Variants in SLC9A9 observed in about 807,000 individuals in gnomAD.
The protein encoded by SLC9A9 is solute carrier family 9 member A9.
SLC9A9 carries 62 observed loss-of-function variants against 77.8 expected under a neutral mutation model. The ratio of observed to expected loss-of-function variants is 0.80; its 90% confidence interval spans 0.65 to 0.98. The LOEUF (loss-of-function observed/expected upper bound fraction) is 0.98, where lower values mean the gene tolerates loss of function less well. Ranked by LOEUF, SLC9A9 falls within the 50% of genes least tolerant of loss-of-function variation. The probability of loss-of-function intolerance (pLI) is 0.00; values close to 1 mark genes in which losing one functional copy is unlikely to be tolerated. For synonymous variants in SLC9A9, 320 were observed against 283.5 expected (o/e 1.13, Z -1.29); for missense variants, 775 against 774.9 (o/e 1.00, Z 0.00).
In SLC9A9 at chr3:143,848,300, A is replaced by G. The variant is rs2108903847; in HGVS notation, c.23T>C (p.Met8Thr). The change falls in exon 1 of 16, where the codon ATG becomes ACG. Residue 8 changes from methionine (M) to threonine (T), a missense_variant. Physicochemically the swap from Met to Thr is moderately conservative, Grantham distance 81. Coordinates refer to ENST00000316549, the MANE Select transcript of SLC9A9 (RefSeq NM_173653.4). Reference sequence around the variant, plus strand: ...AAACTGATACTCATCCTTTTCTGACATAACCCTTGACTGTCTCTCCATTCC... The same window carrying G: ...AAACTGATACTCATCCTTTTCTGACGTAACCCTTGACTGTCTCTCCATTCC... Reference protein sequence around the residue: MERQSRVMSEKDEYQFQH... With the variant: MERQSRVTSEKDEYQFQH... The G allele has an allele frequency of 6.2e-7, 1 of 1,614,012 alleles. No homozygotes were observed. The highest frequency in any genetic ancestry group is 8.5e-7 in the Non-Finnish European group (1 of 1,179,894).
At chr3:143,814,590 T>G (rs1181772445) in intron 2 of SLC9A9, among the ~76,000 whole-genome samples, 1 of 152,154 alleles carries the variant, frequency 6.6e-6, no homozygotes, top group Admixed American at 6.5e-5. Flanking sequence ...AAATTGAAAC[T>G]TCGGATAAAC....
chr3:143,557,157 C>T lies in SLC9A9; in HGVS notation c.1001-4707G>A, dbSNP rs568966637. ...GATAGTGAGTGAGTTCTCACTAGAT[C>T]GGAGGGTTTTACATGTGTCTGGCGT... is the stretch of plus-strand genomic sequence containing the variant. On this transcript the variant is annotated intron_variant, in intron 8 of 15. Coordinates refer to ENST00000316549, the MANE Select transcript of SLC9A9 (RefSeq NM_173653.4). 3.9e-5 allele frequency among the ~76,000 whole-genome samples: 6 copies of T among 152,156 alleles called. No homozygotes were observed. The East Asian group carries it at 5.8e-4, about 15-fold the overall frequency.
At position 143,812,082 on chromosome 3, in the gene SLC9A9, G is replaced by T. The variant is rs1393875571; in HGVS notation, c.379-15179C>A. Reference sequence around the variant, plus strand: ...TTGTGGGCCTCTCTCAGATCCACTGGATTTAAACTATGTTTACTCAAACCT... The same window carrying T: ...TTGTGGGCCTCTCTCAGATCCACTGTATTTAAACTATGTTTACTCAAACCT... On this transcript the variant is annotated intron_variant, in intron 2 of 15. Transcript: ENST00000316549. Among the ~76,000 whole-genome samples the T allele has an allele frequency of 3.9e-5, 6 of 152,170 alleles. No homozygotes were observed. The East Asian group carries it at 9.6e-4, about 24-fold the overall frequency.
At chr3:143,450,691 T>C (rs1017146296) in intron 12 of SLC9A9, among the ~76,000 whole-genome samples, 5 of 152,186 alleles carry the variant, frequency 3.3e-5, no homozygotes, top group Non-Finnish European at 7.3e-5. Flanking sequence ...AAAAGTGCTA[T>C]ACAAAATTGA....
intron 9 of SLC9A9, among the ~76,000 whole-genome samples, chr3:143,545,462 C>T (rs544798844): frequency 2.0e-5 from 3 of 152,216 alleles, no homozygotes; most frequent in Non-Finnish European, 4.4e-5. Flanking sequence ...GGACAAGAAC[C>T]ACGTGGTATT....
intron 12 of SLC9A9, among the ~76,000 whole-genome samples, chr3:143,405,584 G>A (rs540432113): frequency 1.3e-5 from 2 of 152,290 alleles, no homozygotes; most frequent in South Asian, 4.1e-4. Context: ...CTGCATGTGG[G>A]ATAGAACCTC....
chr3:143,325,678 C>G (rs184486990), intron 14 of SLC9A9, among the ~76,000 whole-genome samples: 1 of 152,342 alleles, frequency 6.6e-6, no homozygotes, highest in Admixed American at 6.5e-5. Context: ...GACATGTCCA[C>G]TTGGGCTGTA....
intron 6 of SLC9A9, among the ~76,000 whole-genome samples, chr3:143,593,411 G>T (rs2037690941): frequency 6.6e-6 from 1 of 152,202 alleles, no homozygotes; most frequent in Non-Finnish European, 1.5e-5. Context: ...GGAACCAAGG[G>T]TATATACAAA....
chr3:143,302,717 C>A (rs1224263497), intron 14 of SLC9A9, among the ~76,000 whole-genome samples: 1 of 152,152 alleles, frequency 6.6e-6, no homozygotes, highest in African/African-American at 2.4e-5. Context: ...GGTCTTATTC[C>A]TTACTGGGAA....
At chr3:143,318,713 C>G (rs547399476) in intron 14 of SLC9A9, among the ~76,000 whole-genome samples, 1 of 152,250 alleles carries the variant, frequency 6.6e-6, no homozygotes, top group South Asian at 2.1e-4. Context: ...ACTCAACCTG[C>G]GATACCCAGT....
At chr3:143,595,263 T>C (rs1410066946) in intron 6 of SLC9A9, among the ~76,000 whole-genome samples, 4 of 152,070 alleles carry the variant, frequency 2.6e-5, no homozygotes, top group Non-Finnish European at 5.9e-5. Context: ...TCTTTTGGCT[T>C]CAGAGTTCAG....
intron 14 of SLC9A9, among the ~76,000 whole-genome samples, chr3:143,342,442 C>T (rs1183964135): frequency 1.3e-5 from 2 of 152,194 alleles, no homozygotes; most frequent in Admixed American, 1.3e-4. Context: ...TTATGACCAG[C>T]AGACCCTGAT....
At chr3:143,845,824 G>T (rs1281065551) in intron 1 of SLC9A9, among the ~76,000 whole-genome samples, 1 of 152,224 alleles carries the variant, frequency 6.6e-6, no homozygotes, top group Admixed American at 6.5e-5. Flanking sequence ...ACATATATAT[G>T]CATATCTCCA....
At chr3:143,456,353 A>T (rs889571970) in intron 12 of SLC9A9, among the ~76,000 whole-genome samples, 15 of 152,138 alleles carry the variant, frequency 9.9e-5, no homozygotes, top group Non-Finnish European at 1.5e-4. Context: ...ATTGGACTAT[A>T]GTTTTACTTT....
chr3:143,266,061 G>A lies in SLC9A9; in HGVS notation c.*641C>T. The A allele has an allele frequency of 2.8e-6, 2 of 702,420 alleles. No homozygotes were observed. The highest frequency in any genetic ancestry group is 5.2e-6 in the Non-Finnish European group (2 of 384,786). The allele number at this position is 702,420 out of a possible 1,614,324, so 43.5% of individuals were successfully genotyped here. On this transcript the variant is annotated 3_prime_UTR_variant, in exon 16 of 16. Coordinates refer to ENST00000316549, the MANE Select transcript of SLC9A9 (RefSeq NM_173653.4). ...TAGGGCAGGGCACACCCAGCCATAG[G>A]CAACCCCTTTGAGCGATGGGAGAAG...
At chr3:143,396,632 A>G (rs2033737265) in intron 12 of SLC9A9, among the ~76,000 whole-genome samples, 1 of 152,200 alleles carries the variant, frequency 6.6e-6, no homozygotes, top group African/African-American at 2.4e-5. Flanking sequence ...CACAGGATCT[A>G]GCCCCTAGAA....
intron 4 of SLC9A9, among the ~76,000 whole-genome samples, chr3:143,780,900 A>G (rs2007851974): frequency 6.6e-6 from 1 of 152,174 alleles, no homozygotes; most frequent in Admixed American, 6.5e-5. Context: ...TTATAACATA[A>G]ATATTCTTTT....
intron 14 of SLC9A9, among the ~76,000 whole-genome samples, chr3:143,328,324 G>A (rs1313047767): frequency 6.6e-6 from 1 of 152,094 alleles, no homozygotes. Flanking sequence ...CAAAATGTAA[G>A]GTCTATTAAT....
intron 6 of SLC9A9, among the ~76,000 whole-genome samples, chr3:143,597,121 C>T (rs1356341092): frequency 6.6e-6 from 1 of 152,126 alleles, no homozygotes; most frequent in Admixed American, 6.6e-5. Flanking sequence ...AGGAAAAGGC[C>T]GAGGCGGATA....
Sources: gnomAD v4.1 joint callset for allele counts (sites outside exome capture counted in the v4.1 genomes callset) on GRCh38, gnomAD v4.1.1 for gene constraint, MANE v1.5 for transcripts, NCBI Gene and HGNC (gene_info 2026-07-23, HGNC 2026-07-21) for gene names.